The following SYT1 variants were observed in gnomAD, a reference collection of about 807,000 sequenced individuals.
SYT1 encodes synaptotagmin-1.
SYT1 carries 8 observed loss-of-function variants against 44.8 expected under a neutral mutation model. That is an observed-to-expected ratio of 0.18 (90% CI 0.10 to 0.32). The LOEUF (loss-of-function observed/expected upper bound fraction) is 0.32. SYT1 is among the 10% of genes least tolerant of loss of function. The pLI is 1.00. For missense variants in SYT1, 286 were observed against 509.3 expected, an observed-to-expected ratio of 0.56 and a Z score of 4.22; for synonymous variants, 154 against 188.8, an observed-to-expected ratio of 0.82 and a Z score of 1.51.
intron 1 of SYT1, among the ~76,000 whole-genome samples, chr12:78,950,566 T>C (rs933580188): frequency 3.9e-4 from 59 of 152,118 alleles, no homozygotes; most frequent in African/African-American, 1.4e-3. Context: ...TAGAAGACAA[T>C]ATGTTTCAAA....
chr12:79,179,504 T>TAGAGATATCTATATAGATATAGATATAG (rs529051458), intron 3 of SYT1, among the ~76,000 whole-genome samples: 4 of 112,542 alleles, frequency 3.6e-5, no homozygotes, highest in Admixed American at 1.0e-4. Context: ...TATATAGATA[T>TAGAGATATCTATATAGATATAGATATAG]AGATATAGAT....
chr12:79,077,311 C>T (rs1876726008), intron 3 of SYT1, among the ~76,000 whole-genome samples: 1 of 152,164 alleles, frequency 6.6e-6, no homozygotes, highest in Admixed American at 6.6e-5. Context: ...ACTGCTTATT[C>T]TTCCATGATA....
intron 1 of SYT1, among the ~76,000 whole-genome samples, chr12:78,892,183 A>AT (rs1440633201): frequency 1.3e-5 from 2 of 151,776 alleles, no homozygotes; most frequent in Non-Finnish European, 2.9e-5. Context: ...ACATACTTTG[A>AT]TAAAAACCAG....
At chr12:78,964,388 GA>G (rs1158073349) in intron 1 of SYT1, among the ~76,000 whole-genome samples, 1 of 152,062 alleles carries the variant, frequency 6.6e-6, no homozygotes, top group Non-Finnish European at 1.5e-5. Context: ...CAGGGTAACA[GA>G]GAAAAGAAAT....
At chr12:79,443,376 C>T (rs1023111396) in intron 9 of SYT1, among the ~76,000 whole-genome samples, 1 of 152,140 alleles carries the variant, frequency 6.6e-6, no homozygotes, top group Non-Finnish European at 1.5e-5. Flanking sequence ...CTTGGTATTT[C>T]CTATATTATC....
At chr12:78,865,956 C>A (rs1873521971) in intron 1 of SYT1, among the ~76,000 whole-genome samples, 1 of 151,698 alleles carries the variant, frequency 6.6e-6, no homozygotes, top group African/African-American at 2.4e-5. Context: ...TATTACTTTC[C>A]TGAGGTTTCT....
At chr12:78,956,530 C>T (rs1879226445) in intron 1 of SYT1, among the ~76,000 whole-genome samples, 1 of 150,838 alleles carries the variant, frequency 6.6e-6, no homozygotes, top group Non-Finnish European at 1.5e-5. Flanking sequence ...GGAATGTGGC[C>T]CAAACACCTG....
intron 3 of SYT1, among the ~76,000 whole-genome samples, chr12:79,072,076 C>G (rs1876319301): frequency 6.6e-6 from 1 of 151,906 alleles, no homozygotes; most frequent in Non-Finnish European, 1.5e-5. Flanking sequence ...TATATATAGG[C>G]ATATATATAC....
At chr12:79,152,049 T>C (rs1248182205) in intron 3 of SYT1, among the ~76,000 whole-genome samples, 4 of 152,096 alleles carry the variant, frequency 2.6e-5, no homozygotes, top group Non-Finnish European at 5.9e-5. Context: ...TAGAGAATGA[T>C]GTCACAGGAG....
At position 79,382,994 on chromosome 12, in the gene SYT1, G is replaced by C. The variant is rs1019078355; in HGVS notation, c.928+29375G>C. Among the ~76,000 whole-genome samples, 28 of 152,160 alleles carry C rather than the reference G, an allele frequency of 1.8e-4. 1 individual carries two copies. The highest frequency in any genetic ancestry group is 2.9e-5 in the Non-Finnish European group (2 of 68,024). The stretch of plus-strand genomic sequence containing the variant: ...TGTCTTCTATGAATGCTCGAAGGAA[G>C]TTTATCCACACCTAAACGTAACTGT... On this transcript the variant is annotated intron_variant, in intron 9 of 10. Transcript: ENST00000261205.
chr12:78,909,048 T>A (rs1392096037), intron 1 of SYT1, among the ~76,000 whole-genome samples: 1 of 151,908 alleles, frequency 6.6e-6, no homozygotes, highest in Non-Finnish European at 1.5e-5. Context: ...TGCTCCTCCC[T>A]GTGGATATGG....
chr12:79,293,240 T>C (rs75302094), intron 6 of SYT1, among the ~76,000 whole-genome samples: 13 of 149,960 alleles, frequency 8.7e-5, no homozygotes, highest in Non-Finnish European at 1.9e-4. Flanking sequence ...AGGAGAATGG[T>C]GTGAACCCGG....
At chr12:79,427,679 G>A (rs1034019176) in intron 9 of SYT1, among the ~76,000 whole-genome samples, 1 of 152,156 alleles carries the variant, frequency 6.6e-6, no homozygotes, top group East Asian at 1.9e-4. Context: ...TTGGAGCTGA[G>A]CTTAATTGAA....
chr12:79,035,725 C>T (rs1324889216), intron 2 of SYT1, among the ~76,000 whole-genome samples: 1 of 151,666 alleles, frequency 6.6e-6, no homozygotes, highest in South Asian at 2.1e-4. Context: ...AGACATTCTG[C>T]TCTGTTTTGA....
intron 4 of SYT1, among the ~76,000 whole-genome samples, chr12:79,238,105 A>T (rs1876292805): frequency 6.6e-6 from 1 of 152,114 alleles, no homozygotes; most frequent in East Asian, 1.9e-4. Context: ...TTTTGTGGTT[A>T]ACAGTGAGGT....
intron 8 of SYT1, among the ~76,000 whole-genome samples, chr12:79,300,109 C>CCTCACA (rs1880063231): frequency 2.6e-5 from 4 of 152,154 alleles, no homozygotes; most frequent in African/African-American, 9.7e-5. Context: ...TTTTATGCTA[C>CCTCACA]TCCTCACATT....
intron 3 of SYT1, among the ~76,000 whole-genome samples, chr12:79,157,683 C>T (rs1870687024): frequency 1.3e-5 from 2 of 152,080 alleles, no homozygotes; most frequent in Non-Finnish European, 2.9e-5. Flanking sequence ...ATTGTCACTG[C>T]CAGTGAAAGA....
At chr12:79,066,927 GA>G (rs1875907782) in intron 3 of SYT1, among the ~76,000 whole-genome samples, 1 of 152,128 alleles carries the variant, frequency 6.6e-6, no homozygotes, top group Admixed American at 6.6e-5. Context: ...ATATGTCTCT[GA>G]GACCTGAATA....
At chr12:79,286,426 A>G (rs1237150593) in intron 5 of SYT1, among the ~76,000 whole-genome samples, 1 of 152,164 alleles carries the variant, frequency 6.6e-6, no homozygotes, top group Non-Finnish European at 1.5e-5. Context: ...TGCTTTTCCT[A>G]CATGTCCATC....
Sources: allele counts gnomAD v4.1 joint callset (sites outside exome capture counted in the v4.1 genomes callset), GRCh38; gene constraint gnomAD v4.1.1; transcripts MANE v1.5; gene names NCBI Gene and HGNC (gene_info 2026-07-23, HGNC 2026-07-21).